Variants in SDHD observed in about 807,000 individuals in gnomAD.
SDHD encodes succinate dehydrogenase [ubiquinone] cytochrome b small subunit, mitochondrial.
SDHD carries 6 observed loss-of-function variants against 18.7 expected under a neutral mutation model. That is an observed-to-expected ratio of 0.32 (90% CI 0.18 to 0.63). The LOEUF (loss-of-function observed/expected upper bound fraction) is 0.63. Ranked by LOEUF, SDHD falls within the 30% of genes least tolerant of loss-of-function variation. The pLI is 0.79. For missense variants in SDHD, 160 were observed against 192.7 expected, an observed-to-expected ratio of 0.83 and a Z score of 1.00; for synonymous variants, 56 against 73.9, an observed-to-expected ratio of 0.76 and a Z score of 1.24.
At chr11:112,088,745 G>GT in intron 2 of SDHD, 122 bp from the exon 3 acceptor site, 1 of 1,061,640 alleles carries the variant, frequency 9.4e-7, no homozygotes, top group Non-Finnish European at 1.5e-6. Context: ...TACTTCCTTT[G>GT]TACTCAGAGT....
At chr11:112,091,402 T>G (rs1169427011) in intron 3 of SDHD, among the ~76,000 whole-genome samples, 1 of 152,202 alleles carries the variant, frequency 6.6e-6, no homozygotes, top group Non-Finnish European at 1.5e-5. Flanking sequence ...GCTTTCCAGA[T>G]GCATAGAAGT....
At chr11:112,088,813 A>G (rs1865681888) in intron 2 of SDHD, 54 bp from the exon 3 acceptor site, 3 of 1,608,448 alleles carry the variant, frequency 1.9e-6, no homozygotes, top group African/African-American at 2.7e-5. Flanking sequence ...TATGTTGAAC[A>G]TGAAAGATGT....
At chr11:112,089,762 T>C (rs1448019107) in intron 3 of SDHD, among the ~76,000 whole-genome samples, 1 of 152,188 alleles carries the variant, frequency 6.6e-6, no homozygotes, top group Admixed American at 6.5e-5. Flanking sequence ...AACCACTTAT[T>C]CAAAATTGCA....
chr11:112,090,830 G>C lies in SDHD; in HGVS notation c.314+1819G>C, dbSNP rs183019790. On this transcript the variant is annotated intron_variant, in intron 3 of 3. Transcript: ENST00000375549. ...CATGCCTCAGCCTCCCAAGCAGCTGGGATTACAGGCATGCGCCAGCACACC... is the reference window on the plus strand; with the variant it reads ...CATGCCTCAGCCTCCCAAGCAGCTGCGATTACAGGCATGCGCCAGCACACC... Among the ~76,000 whole-genome samples the C allele has an allele frequency of 1.9e-3, 286 of 152,054 alleles. 1 individual carries two copies. The highest frequency in any genetic ancestry group is 6.5e-3 in the African/African-American group (269 of 41,456).
In SDHD at chr11:112,089,715, A is replaced by G. The variant is rs141341029; in HGVS notation, c.314+704A>G. Among the ~76,000 whole-genome samples, 195 of 152,180 alleles carry G rather than the reference A, an allele frequency of 1.3e-3. 1 individual carries two copies. Among genetic ancestry groups the G allele is most frequent in the African/African-American group, 4.2e-3 (176 of 41,510 alleles). On this transcript the variant is annotated intron_variant, in intron 3 of 3. Coordinates refer to ENST00000375549, the MANE Select transcript of SDHD (RefSeq NM_003002.4). ...CTTGGCTTGTTCCTTCATCTCCTTC[A>G]GGTCTTGAATGCCATTCTCTCAACA...
intron 3 of SDHD, chr11:112,093,027 CTTTTT>C (rs1161641648): frequency 5.7e-4 from 77 of 135,536 alleles, no homozygotes; most frequent in South Asian, 1.5e-3. Context: ...TATTGTATGG[CTTTTT>C]TTTTTTTTTT....
Position 112,088,940 on chromosome 11 carries a change from G to A in SDHD, c.243G>A (p.Pro81=), listed in dbSNP as rs575262156. The A allele has an allele frequency of 1.2e-6, 2 of 1,613,674 alleles. No individual in the cohort carries two copies. The highest frequency in any genetic ancestry group is 2.2e-5 in the East Asian group (1 of 44,890). ...GTGTTTTGCTCCTGGGTCTGCTTCC[G>A]GCTGCTTATTTGAATCCTTGCTCTG... ...VVSVLLLGLL[P]AAYLNPCSAM... The change falls in exon 3 of 4, where the codon CCG becomes CCA. Residue 81 remains proline (P), a synonymous_variant. Coordinates refer to ENST00000375549, the MANE Select transcript of SDHD (RefSeq NM_003002.4).
chr11:112,095,000 A>T lies in SDHD; in HGVS notation c.*30A>T, dbSNP rs1865815843. ...TTTGACTTCATACTTTGAAGAATTG[A>T]TGTATGCCTCTTTGCCTCTGCTTTG... On this transcript the variant is annotated 3_prime_UTR_variant, in exon 4 of 4. Transcript: ENST00000375549. 6.2e-7 allele frequency: 1 copy of T among 1,600,264 alleles called. No individual in the cohort carries two copies. The highest frequency in any genetic ancestry group is 8.6e-7 in the Non-Finnish European group (1 of 1,169,480).
At chr11:112,088,812 C>G in intron 2 of SDHD, 55 bp from the exon 3 acceptor site, 1 of 1,606,612 alleles carries the variant, frequency 6.2e-7, no homozygotes, top group South Asian at 1.1e-5. Context: ...ATATGTTGAA[C>G]ATGAAAGATG....
chr11:112,088,856 C>T lies in SDHD; in HGVS notation c.170-11C>T, dbSNP rs2135269102. On this transcript the variant is annotated splice_polypyrimidine_tract_variant and intron_variant, in intron 2 of 3. Transcript: ENST00000375549. Reference sequence around the variant, plus strand: ...TCACATCAACTTTTATGAATCTGGTCCTTTTTGTAGCTGGCTCCAAGGCTG... The same window carrying T: ...TCACATCAACTTTTATGAATCTGGTTCTTTTTGTAGCTGGCTCCAAGGCTG... 1 of 1,612,064 alleles carries T rather than the reference C, an allele frequency of 6.2e-7. No individual in the cohort carries two copies. Among genetic ancestry groups the T allele is most frequent in the Non-Finnish European group, 8.5e-7 (1 of 1,179,844 alleles).
intron 3 of SDHD, chr11:112,091,214 T>C: frequency 2.2e-6 from 1 of 446,462 alleles, no homozygotes; most frequent in Non-Finnish European, 3.0e-6. Context: ...CTGAGTCTCT[T>C]TTAGCCTGTA....
chr11:112,088,261 GCGATCT>G (rs1449429963), intron 2 of SDHD: 2 of 403,506 alleles, frequency 5.0e-6, no homozygotes, highest in Non-Finnish European at 9.4e-6. Flanking sequence ...GTGCAGTGGT[GCGATCT>G]CGGCTCACTG....
At chr11:112,087,088 C>CCCTAG in intron 1 of SDHD, 129 bp downstream of exon 1, 1 of 1,037,428 alleles carries the variant, frequency 9.6e-7, no homozygotes, top group Non-Finnish European at 1.5e-6. Context: ...CAGCAATGAC[C>CCCTAG]ACTGTAGTCT....
chr11:112,093,384 A>G (rs1865784269), intron 3 of SDHD, among the ~76,000 whole-genome samples: 1 of 151,390 alleles, frequency 6.6e-6, no homozygotes, highest in South Asian at 2.1e-4. Flanking sequence ...GTTCTTTTAT[A>G]TGAAATGTCT....
chr11:112,089,045 T>C, intron 3 of SDHD, 34 bp downstream of exon 3: 1 of 1,613,028 alleles, frequency 6.2e-7, no homozygotes, highest in Non-Finnish European at 8.5e-7. Context: ...AGTTGTCTGC[T>C]CAGTTTGTTT....
intron 3 of SDHD, 38 bp from the exon 4 acceptor site, chr11:112,094,767 G>T: frequency 6.3e-7 from 1 of 1,588,838 alleles, no homozygotes; most frequent in Non-Finnish European, 8.6e-7. Flanking sequence ...TTTCACTGTG[G>T]TTTTTTATTG....
chr11:112,087,925 C>T lies in SDHD; in HGVS notation c.121C>T (p.Pro41Ser), dbSNP rs764006625. ...ISAFLQDRPI[P>S]EWCGVQHIHL... ...AGCATTTCTTCAGGACCGACCTATCCCAGAATGGTGTGGAGTGCAGCACAT... is the reference window on the plus strand; with the variant it reads ...AGCATTTCTTCAGGACCGACCTATCTCAGAATGGTGTGGAGTGCAGCACAT... Residue 41 changes from proline (P) to serine (S), a missense_variant, in exon 2 of 4, where the codon CCA (proline) becomes TCA (serine). Pro to Ser is a moderately conservative substitution (Grantham distance 74, BLOSUM62 -1). Coordinates refer to ENST00000375549, the MANE Select transcript of SDHD (RefSeq NM_003002.4). The T allele has an allele frequency of 1.9e-6, 3 of 1,613,902 alleles. No homozygotes were observed. The highest frequency in any genetic ancestry group is 1.6e-4 in the Middle Eastern group (1 of 6,062).
chr11:112,088,667 C>T, intron 2 of SDHD, 200 bp from the exon 3 acceptor site: 1 of 655,370 alleles, frequency 1.5e-6, no homozygotes, highest in Non-Finnish European at 2.7e-6. Flanking sequence ...TGCTAAAAGA[C>T]TTCAAAAAAC....
chr11:112,095,004 A>G lies in SDHD; in HGVS notation c.*34A>G, dbSNP rs1592786514. The G allele has an allele frequency of 6.3e-7, 1 of 1,591,624 alleles. No individual in the cohort carries two copies. The highest frequency in any genetic ancestry group is 8.6e-7 in the Non-Finnish European group (1 of 1,161,786). ...ACTTCATACTTTGAAGAATTGATGTATGCCTCTTTGCCTCTGCTTTGTCAT... is the reference window on the plus strand; with the variant it reads ...ACTTCATACTTTGAAGAATTGATGTGTGCCTCTTTGCCTCTGCTTTGTCAT... On this transcript the variant is annotated 3_prime_UTR_variant, in exon 4 of 4. Coordinates refer to ENST00000375549, the MANE Select transcript of SDHD (RefSeq NM_003002.4).
Sources: allele counts gnomAD v4.1 joint callset (sites outside exome capture counted in the v4.1 genomes callset), GRCh38; gene constraint gnomAD v4.1.1; transcripts MANE v1.5; gene names NCBI Gene and HGNC (gene_info 2026-07-23, HGNC 2026-07-21).